Variants in TRPM3 observed in about 807,000 individuals in gnomAD.
TRPM3 encodes long transient receptor potential channel 3.
A neutral mutation model predicts 181.2 loss-of-function variants in TRPM3; 77 were observed. That is an observed-to-expected ratio of 0.42 (90% CI 0.35 to 0.51). The LOEUF (loss-of-function observed/expected upper bound fraction) is 0.51. TRPM3 is among the 20% of genes least tolerant of loss of function. TRPM3 has a pLI of 0.01. For synonymous variants in TRPM3, 745 were observed against 796.4 expected, an observed-to-expected ratio of 0.94 and a Z score of 1.09; for missense variants, 1,759 against 2,196.7, an observed-to-expected ratio of 0.80 and a Z score of 3.98.
At chr9:71,197,890 T>C (rs1002946696) in intron 1 of TRPM3, among the ~76,000 whole-genome samples, 2 of 149,868 alleles carry the variant, frequency 1.3e-5, no homozygotes, top group African/African-American at 2.4e-5. Flanking sequence ...ATCCCATTTG[T>C]CAATTTTGGC....
At chr9:70,990,449 A>C (rs1312824144) in intron 1 of TRPM3, among the ~76,000 whole-genome samples, 1 of 152,192 alleles carries the variant, frequency 6.6e-6, no homozygotes, top group Non-Finnish European at 1.5e-5. Flanking sequence ...TTAAGAGTTT[A>C]TAACAAGATA....
At chr9:71,048,131 C>G (rs988410576) in intron 1 of TRPM3, among the ~76,000 whole-genome samples, 1 of 152,130 alleles carries the variant, frequency 6.6e-6, no homozygotes, top group East Asian at 1.9e-4. Flanking sequence ...CTCTTAATGG[C>G]AAAACCACAA....
intron 8 of TRPM3, among the ~76,000 whole-genome samples, chr9:70,760,248 G>A (rs889246495): frequency 6.6e-6 from 1 of 151,734 alleles, no homozygotes; most frequent in Non-Finnish European, 1.5e-5. Context: ...CTGCTGAAAT[G>A]TATAGTCCTG....
In TRPM3 at chr9:70,532,294, A is replaced by G. The variant is rs914662441; in HGVS notation, c.*3659T>C. On this transcript the variant is annotated 3_prime_UTR_variant, in exon 26 of 26. Coordinates refer to ENST00000677713, the MANE Select transcript of TRPM3 (RefSeq NM_001366145.2). ...TTATCTATAGAAACCATATTTTAGA[A>G]TACATTTGAAACATTCAGAAGAAAC... is the stretch of plus-strand genomic sequence containing the variant. 1 of 152,212 alleles carries G rather than the reference A, an allele frequency of 6.6e-6. No individual in the cohort carries two copies. Among genetic ancestry groups the G allele is most frequent in the African/African-American group, 2.4e-5 (1 of 41,454 alleles). The allele number at this position is 152,212 out of a possible 1,614,324, so 9.4% of individuals were successfully genotyped here.
At chr9:71,158,506 A>G (rs2076114205) in intron 1 of TRPM3, among the ~76,000 whole-genome samples, 1 of 152,200 alleles carries the variant, frequency 6.6e-6, no homozygotes, top group South Asian at 2.1e-4. Flanking sequence ...GAAGAAAACA[A>G]TTGAATAAAG....
intron 8 of TRPM3, among the ~76,000 whole-genome samples, chr9:70,740,505 A>C (rs567076102): frequency 1.1e-3 from 163 of 152,326 alleles, no homozygotes; most frequent in African/African-American, 3.8e-3. Context: ...GAATGAAAAA[A>C]GAGCTTGCAT....
chr9:70,957,827 C>T (rs2097094511), intron 1 of TRPM3, among the ~76,000 whole-genome samples: 1 of 152,070 alleles, frequency 6.6e-6, no homozygotes, highest in South Asian at 2.1e-4. Flanking sequence ...TATGAAAGTC[C>T]TCTTCTAGAT....
intron 1 of TRPM3, among the ~76,000 whole-genome samples, chr9:71,271,154 C>T (rs1159696007): frequency 6.6e-6 from 1 of 152,224 alleles, no homozygotes; most frequent in Non-Finnish European, 1.5e-5. Context: ...ATTATACCTT[C>T]TCATATAGAG....
chr9:70,672,054 G>C (rs1024911855), intron 9 of TRPM3, among the ~76,000 whole-genome samples: 1 of 151,086 alleles, frequency 6.6e-6, no homozygotes, highest in Non-Finnish European at 1.5e-5. Flanking sequence ...TAATATAATT[G>C]TAGAGATGTG....
At chr9:70,650,434 T>C (rs1212836006) in intron 9 of TRPM3, among the ~76,000 whole-genome samples, 1 of 152,220 alleles carries the variant, frequency 6.6e-6, no homozygotes, top group African/African-American at 2.4e-5. Flanking sequence ...TTAGTAACTT[T>C]ATTAGGATCT....
intron 6 of TRPM3, among the ~76,000 whole-genome samples, chr9:70,801,537 T>C (rs2089049668): frequency 6.6e-6 from 1 of 152,144 alleles, no homozygotes; most frequent in African/African-American, 2.4e-5. Flanking sequence ...AGCATATCCT[T>C]GATGGTGCTG....
chr9:70,835,591 C>G (rs1245347445), intron 5 of TRPM3, among the ~76,000 whole-genome samples: 2 of 151,960 alleles, frequency 1.3e-5, no homozygotes, highest in South Asian at 4.2e-4. Flanking sequence ...AATACCATCC[C>G]TTCTCCATGT....
At chr9:70,858,768 G>A (rs2095449208) in intron 3 of TRPM3, among the ~76,000 whole-genome samples, 1 of 151,764 alleles carries the variant, frequency 6.6e-6, no homozygotes, top group Admixed American at 6.6e-5. Flanking sequence ...GAAGGCCAGT[G>A]CTTAGGGTCC....
At chr9:71,408,978 C>G (rs192885348) in intron 1 of TRPM3, among the ~76,000 whole-genome samples, 5 of 152,174 alleles carry the variant, frequency 3.3e-5, no homozygotes, top group Non-Finnish European at 7.3e-5. Flanking sequence ...TAATTTTCAA[C>G]CCAGAATTTC....
At chr9:70,595,333 G>T (rs1363251267) in intron 21 of TRPM3, among the ~76,000 whole-genome samples, 1 of 152,194 alleles carries the variant, frequency 6.6e-6, no homozygotes, top group East Asian at 1.9e-4. Flanking sequence ...ACAGAATGCA[G>T]TAATTCTCAA....
chr9:70,950,073 A>G lies in TRPM3; in HGVS notation c.178-85562T>C, dbSNP rs567019743. On this transcript the variant is annotated intron_variant, in intron 1 of 25. Transcript: ENST00000677713. ...TTATACTAAAATTGAAAAAAAAATC[A>G]TTTGAAGCCTCCCTTCACAGTCATG... Among the ~76,000 whole-genome samples the G allele has an allele frequency of 2.0e-4, 31 of 152,288 alleles. No homozygotes were observed. In the South Asian group the frequency reaches 6.4e-3, roughly 32 times the overall value.
chr9:71,394,842 C>T (rs1204532998), intron 1 of TRPM3, among the ~76,000 whole-genome samples: 1 of 152,216 alleles, frequency 6.6e-6, no homozygotes, highest in Admixed American at 6.5e-5. Context: ...AAACCTTCAC[C>T]TCCTGTTACT....
intron 1 of TRPM3, among the ~76,000 whole-genome samples, chr9:70,922,512 A>G (rs1330096715): frequency 6.6e-6 from 1 of 152,226 alleles, no homozygotes; most frequent in Non-Finnish European, 1.5e-5. Context: ...TGGACTTTAA[A>G]TAGCAGAAAG....
At chr9:70,946,734 C>T (rs1198972060) in intron 1 of TRPM3, among the ~76,000 whole-genome samples, 2 of 151,954 alleles carry the variant, frequency 1.3e-5, no homozygotes, top group East Asian at 1.9e-4. Flanking sequence ...CATGTAATGC[C>T]CCCCACCTGG....
Sources: gnomAD v4.1 joint callset for allele counts (sites outside exome capture counted in the v4.1 genomes callset) on GRCh38, gnomAD v4.1.1 for gene constraint, MANE v1.5 for transcripts, NCBI Gene and HGNC (gene_info 2026-07-23, HGNC 2026-07-21) for gene names.